Variants in TRDN observed in about 807,000 individuals in gnomAD.
The protein encoded by TRDN is triadin in skeletal muscle.
A neutral mutation model predicts 149.7 loss-of-function variants in TRDN; 161 were observed. The ratio of observed to expected loss-of-function variants is 1.08; its 90% CI spans 0.95 to 1.23. TRDN has a LOEUF of 1.23. Ranked by LOEUF, TRDN falls within the 50% of genes most tolerant of loss-of-function variation. The pLI is 0.00. For missense variants in TRDN, 896 were observed against 823.5 expected, an observed-to-expected ratio of 1.09 and a Z score of -1.08; for synonymous variants, 294 against 250.5, an observed-to-expected ratio of 1.17 and a Z score of -1.64.
At chr6:123,351,514 T>C in intron 21 of TRDN, 2 of 982,834 alleles carry the variant, frequency 2.0e-6, no homozygotes, top group Non-Finnish European at 2.4e-6. Context: ...GAAGCCAGAA[T>C]AAATTGGAAA....
At chr6:123,310,326 T>A (rs978345822) in intron 24 of TRDN, among the ~76,000 whole-genome samples, 7 of 152,150 alleles carry the variant, frequency 4.6e-5, no homozygotes, top group African/African-American at 1.7e-4. Flanking sequence ...GATTGAGGTC[T>A]GCAGCTGTGG....
At chr6:123,244,749 A>G (rs545384251) in intron 38 of TRDN, among the ~76,000 whole-genome samples, 3 of 152,234 alleles carry the variant, frequency 2.0e-5, no homozygotes, top group Admixed American at 6.5e-5. Context: ...AGAGAACACC[A>G]CAAAGATACT....
chr6:123,360,866 T>C (rs1780874859), intron 20 of TRDN, among the ~76,000 whole-genome samples: 1 of 152,186 alleles, frequency 6.6e-6, no homozygotes, highest in African/African-American at 2.4e-5. Context: ...ATGGTATGGA[T>C]GACTGATTTG....
At chr6:123,529,325 G>A (rs1356702617) in intron 5 of TRDN, 5 of 1,548,452 alleles carry the variant, frequency 3.2e-6, no homozygotes, top group African/African-American at 1.4e-5. Context: ...ACCGAAAAAA[G>A]GAAAGAGAAC....
chr6:123,316,410 C>A, intron 24 of TRDN, 47 bp downstream of exon 24: 1 of 1,570,516 alleles, frequency 6.4e-7, no homozygotes, highest in Non-Finnish European at 8.8e-7. Flanking sequence ...TTTCTTCCAA[C>A]CAAACAGAAC....
chr6:123,322,472 T>G (rs772936495), intron 23 of TRDN, among the ~76,000 whole-genome samples: 103 of 152,062 alleles, frequency 6.8e-4, no homozygotes, highest in Admixed American at 1.4e-3. Context: ...ACTAAATGAT[T>G]TAACAAATAT....
intron 8 of TRDN, among the ~76,000 whole-genome samples, chr6:123,501,295 TC>T (rs1778687459): frequency 6.6e-6 from 1 of 152,202 alleles, no homozygotes; most frequent in Non-Finnish European, 1.5e-5. Context: ...GAGCCTTATT[TC>T]TTTAAAAAGA....
At chr6:123,624,269 G>A (rs1246308186) in intron 1 of TRDN, among the ~76,000 whole-genome samples, 1 of 151,942 alleles carries the variant, frequency 6.6e-6, no homozygotes, top group African/African-American at 2.4e-5. Context: ...GAGAGCTCAC[G>A]TCCCTCAAAA....
intron 4 of TRDN, among the ~76,000 whole-genome samples, chr6:123,539,811 GTC>G (rs1412328242): frequency 6.6e-6 from 1 of 152,094 alleles, no homozygotes; most frequent in Non-Finnish European, 1.5e-5. Context: ...ATCTTTGACT[GTC>G]TAACTCACTG....
chr6:123,351,319 C>T (rs1291448566), intron 21 of TRDN: 8 of 947,986 alleles, frequency 8.4e-6, no homozygotes, highest in Non-Finnish European at 1.0e-5. Context: ...CTCAGATGGG[C>T]AGATCAGGGA....
chr6:123,316,797 T>G (rs1489701458), intron 23 of TRDN, among the ~76,000 whole-genome samples: 1 of 151,864 alleles, frequency 6.6e-6, no homozygotes, highest in Non-Finnish European at 1.5e-5. Context: ...AATTTATGCA[T>G]TCTGAAAATA....
intron 12 of TRDN, among the ~76,000 whole-genome samples, chr6:123,424,349 CA>C (rs1480136951): frequency 6.6e-6 from 1 of 152,126 alleles, no homozygotes; most frequent in African/African-American, 2.4e-5. Flanking sequence ...GCCTTCTCAT[CA>C]AGGCTAAATC....
At chr6:123,231,204 G>C (rs1215885741) in intron 38 of TRDN, among the ~76,000 whole-genome samples, 1 of 151,856 alleles carries the variant, frequency 6.6e-6, no homozygotes, top group African/African-American at 2.4e-5. Flanking sequence ...ATGCTACTTA[G>C]AAGTAATTTA....
Position 123,393,794 on chromosome 6 carries a change from G to A in TRDN, c.1052-117C>T, listed in dbSNP as rs989786145. On this transcript the variant is annotated intron_variant, in intron 12 of 40. Transcript: ENST00000334268. Reference sequence around the variant, plus strand: ...GCATAAAAAGTGTTGCTTTTGACACGAAGAATTTTTGTTAAGACATAAACT... The same window carrying A: ...GCATAAAAAGTGTTGCTTTTGACACAAAGAATTTTTGTTAAGACATAAACT... 2.4e-5 allele frequency: 23 copies of A among 973,966 alleles called. No homozygotes were observed. The African/African-American group carries it at 2.7e-4, about 11-fold the overall frequency. 60.3% of individuals were successfully genotyped at this position (973,966 alleles called of 1,614,324 possible). A position where few individuals can be genotyped will look rare whatever the true frequency, so the allele number is the denominator to read the frequency against.
At chr6:123,256,282 G>A (rs1165210753) in intron 35 of TRDN, among the ~76,000 whole-genome samples, 2 of 152,016 alleles carry the variant, frequency 1.3e-5, no homozygotes, top group African/African-American at 2.4e-5. Context: ...TCATTTTTAC[G>A]GCTTCATAGT....
At chr6:123,279,002 A>T in intron 25 of TRDN, 54 bp downstream of exon 25, 1 of 1,484,380 alleles carries the variant, frequency 6.7e-7, no homozygotes, top group Non-Finnish European at 9.2e-7. Context: ...GATTTGTTTT[A>T]TGTATGTATG....
chr6:123,425,475 A>G (rs1461091206), intron 12 of TRDN, among the ~76,000 whole-genome samples: 1 of 152,078 alleles, frequency 6.6e-6, no homozygotes, highest in Admixed American at 6.6e-5. Flanking sequence ...TTATGAAACT[A>G]TGAGATCACC....
At chr6:123,563,867 G>T (rs1782130988) in intron 2 of TRDN, among the ~76,000 whole-genome samples, 1 of 152,108 alleles carries the variant, frequency 6.6e-6, no homozygotes. Flanking sequence ...GAGTGCAGTG[G>T]CGCAAGCTCA....
intron 20 of TRDN, among the ~76,000 whole-genome samples, chr6:123,356,459 G>A (rs1780675970): frequency 7.0e-6 from 1 of 142,874 alleles, no homozygotes; most frequent in African/African-American, 2.6e-5. Flanking sequence ...GACTTAATCT[G>A]CTAATATTTT....
Sources: gnomAD v4.1 joint callset for allele counts (sites outside exome capture counted in the v4.1 genomes callset) on GRCh38, gnomAD v4.1.1 for gene constraint, MANE v1.5 for transcripts, NCBI Gene and HGNC (gene_info 2026-07-23, HGNC 2026-07-21) for gene names.